The following NALCN variants were observed in gnomAD, a reference collection of about 807,000 sequenced individuals.
The protein encoded by NALCN is sodium leak channel, non-selective.
In NALCN, 111 loss-of-function variants were observed where a neutral mutation model predicts 225.3. The ratio of observed to expected loss-of-function variants is 0.49; its 90% CI spans 0.42 to 0.58. The LOEUF (loss-of-function observed/expected upper bound fraction) is 0.58. NALCN is among the 20% of genes least tolerant of loss of function. The probability of loss-of-function intolerance (pLI) is 0.00; values close to 1 mark genes in which losing one functional copy is unlikely to be tolerated. For missense variants in NALCN, 1,378 were observed against 2,202.4 expected (o/e 0.63, Z 7.49); for synonymous variants, 764 against 769.0 (o/e 0.99, Z 0.11).
intron 42 of NALCN, chr13:101,058,550 A>C: frequency 6.4e-6 from 1 of 155,940 alleles, no homozygotes; most frequent in Admixed American, 6.2e-5. Context: ...GCTACAGTGA[A>C]AGAAAGAGAG....
chr13:101,121,461 A>G (rs1259856176), intron 18 of NALCN, among the ~76,000 whole-genome samples: 2 of 152,170 alleles, frequency 1.3e-5, no homozygotes, highest in Non-Finnish European at 2.9e-5. Flanking sequence ...ATTAGGACGA[A>G]TGCCAACCTG....
At chr13:101,185,931 G>T (rs528161274) in intron 14 of NALCN, among the ~76,000 whole-genome samples, 1 of 152,042 alleles carries the variant, frequency 6.6e-6, no homozygotes, top group African/African-American at 2.4e-5. Flanking sequence ...GTTAAAATGC[G>T]TTGTAGCATT....
At chr13:101,345,557 TG>T in intron 6 of NALCN, 137 bp from the exon 7 acceptor site, 1 of 1,013,034 alleles carries the variant, frequency 9.9e-7, no homozygotes, top group Non-Finnish European at 1.4e-6. Flanking sequence ...CGTTGCACTT[TG>T]GGAGGCATAG....
rs2039699476 is a variant in NALCN, at chr13:101,191,955, C to T, written c.1726G>A (p.Ala576Thr). The T allele has an allele frequency of 6.2e-7, 1 of 1,609,082 alleles. No homozygotes were observed. Among genetic ancestry groups the T allele is most frequent in the African/African-American group, 1.3e-5 (1 of 74,360 alleles). The part of the protein sequence containing the change: ...AVGHMWAPVV[A>T]IYFILYHLFA... ...AGATGATAGAGAATGAAATAGATGG[C>T]AACCACGGGTGCCCACATATGTCCC... The change falls in exon 14 of 44, where the codon GCC becomes ACC. Residue 576 changes from alanine to threonine, a missense_variant. Transcript: ENST00000251127.
At chr13:101,383,520 A>AC (rs1473154426) in intron 3 of NALCN, among the ~76,000 whole-genome samples, 1 of 152,256 alleles carries the variant, frequency 6.6e-6, no homozygotes, top group African/African-American at 2.4e-5. Flanking sequence ...AGCACCCAGT[A>AC]CAGTGGGTGA....
intron 17 of NALCN, among the ~76,000 whole-genome samples, chr13:101,126,596 G>A (rs1359273647): frequency 3.3e-5 from 5 of 151,722 alleles, no homozygotes; most frequent in Non-Finnish European, 7.4e-5. Flanking sequence ...GGGTTCAAGC[G>A]ATTCTCCTGC....
At chr13:101,184,522 T>G (rs1034015771) in intron 14 of NALCN, among the ~76,000 whole-genome samples, 2 of 152,236 alleles carry the variant, frequency 1.3e-5, no homozygotes, top group Admixed American at 1.3e-4. Flanking sequence ...ACCACAGATA[T>G]ATTTATTTTT....
At chr13:101,345,562 G>T in intron 6 of NALCN, 142 bp from the exon 7 acceptor site, 1 of 936,044 alleles carries the variant, frequency 1.1e-6, no homozygotes, top group Non-Finnish European at 1.6e-6. Flanking sequence ...CACTTTGGGA[G>T]GCATAGGCAG....
intron 18 of NALCN, among the ~76,000 whole-genome samples, chr13:101,117,603 T>G (rs960666122): frequency 3.9e-5 from 6 of 152,254 alleles, no homozygotes; most frequent in African/African-American, 1.4e-4. Flanking sequence ...TGCCATATAG[T>G]TAGAATCATA....
In NALCN at chr13:101,095,580, C is replaced by T. The variant is rs766948695; in HGVS notation, c.3263G>A (p.Arg1088His). The part of the protein sequence containing the change: ...GEKKPGFWVP[R>H]VWANPRNFNF... ...TTTTTTATGATATACTTACCAAACA[C>T]GGGGCACCCAAAATCCAGGTTTTTT... The change falls in exon 28 of 44, where the codon CGT becomes CAT. Residue 1088 changes from arginine (R) to histidine (H), a missense_variant. This residue lies in a region of NALCN where 292 missense variants were observed against 409.5 expected (regional missense o/e 0.71). Transcript: ENST00000251127. 8.7e-6 allele frequency: 14 copies of T among 1,611,596 alleles called. No individual in the cohort carries two copies. Among genetic ancestry groups the T allele is most frequent in the Non-Finnish European group, 1.1e-5 (13 of 1,178,832 alleles).
At chr13:101,335,710 T>A (rs967772068) in intron 7 of NALCN, among the ~76,000 whole-genome samples, 1 of 151,602 alleles carries the variant, frequency 6.6e-6, no homozygotes, top group Admixed American at 6.6e-5. Context: ...CTTGGTGCTT[T>A]TTTTTTTTTG....
intron 3 of NALCN, among the ~76,000 whole-genome samples, chr13:101,382,661 C>A (rs17487016): frequency 0.21 from 31,592 of 152,052 alleles, 3,874 homozygotes; most frequent in Non-Finnish European, 0.28. Context: ...TTAGAAGCAC[C>A]AGTGGTGATC....
At chr13:101,158,097 G>T (rs2037994231) in intron 15 of NALCN, among the ~76,000 whole-genome samples, 1 of 152,080 alleles carries the variant, frequency 6.6e-6, no homozygotes, top group Admixed American at 6.5e-5. Flanking sequence ...CTCCTCCAAA[G>T]TTGGGGTCAG....
chr13:101,125,389 A>G (rs540821614), intron 17 of NALCN, among the ~76,000 whole-genome samples: 1 of 152,300 alleles, frequency 6.6e-6, no homozygotes, highest in South Asian at 2.1e-4. Flanking sequence ...ATAATAAATA[A>G]CTAGAATAAA....
intron 13 of NALCN, among the ~76,000 whole-genome samples, chr13:101,215,756 C>A (rs943158490): frequency 6.6e-6 from 1 of 151,948 alleles, no homozygotes; most frequent in Non-Finnish European, 1.5e-5. Context: ...GCACAACGTG[C>A]AGGTTTGTTA....
chr13:101,136,161 ATGG>A (rs2036774197), intron 17 of NALCN, among the ~76,000 whole-genome samples: 4 of 152,172 alleles, frequency 2.6e-5, no homozygotes, highest in Non-Finnish European at 1.5e-5. Flanking sequence ...TTTGCATATA[ATGG>A]TCCTCAAAAA....
intron 18 of NALCN, chr13:101,116,943 T>C (rs755840679): frequency 1.9e-6 from 1 of 516,318 alleles, no homozygotes; most frequent in Non-Finnish European, 3.9e-6. Context: ...AGTGACAATG[T>C]GATCTTCCCA....
At chr13:101,122,035 A>G (rs2036004347) in intron 18 of NALCN, among the ~76,000 whole-genome samples, 1 of 152,032 alleles carries the variant, frequency 6.6e-6, no homozygotes, top group Non-Finnish European at 1.5e-5. Context: ...AAACAGTATA[A>G]AACAATACAA....
chr13:101,163,488 G>T (rs1209033340), intron 15 of NALCN, among the ~76,000 whole-genome samples: 1 of 152,106 alleles, frequency 6.6e-6, no homozygotes, highest in African/African-American at 2.4e-5. Flanking sequence ...TTTTGGAAGG[G>T]CTTACAGAAA....
Sources: allele counts gnomAD v4.1 joint callset (sites outside exome capture counted in the v4.1 genomes callset), GRCh38; gene constraint gnomAD v4.1.1; regional missense constraint gnomAD v4.1.1; transcripts MANE v1.5; gene names NCBI Gene and HGNC (gene_info 2026-07-23, HGNC 2026-07-21).